RAB38: variants seen among roughly 807,000 people sequenced by gnomAD.
RAB38 encodes the protein ras-related protein Rab-38.
Under a neutral mutation model 18.4 loss-of-function variants are expected in RAB38, and 15 were observed. The ratio of observed to expected loss-of-function variants is 0.82; its 90% CI spans 0.55 to 1.26. The LOEUF (loss-of-function observed/expected upper bound fraction) is 1.26. Ranked by LOEUF, RAB38 falls within the 50% of genes most tolerant of loss-of-function variation. RAB38 has a pLI of 0.00. For missense variants in RAB38, 294 were observed against 267.4 expected (o/e 1.10, Z -0.69); for synonymous variants, 101 against 104.4 (o/e 0.97, Z 0.20).
chr11:87,887,073 G>T, the RAB38 span, among the ~76,000 whole-genome samples: 16 of 152,082 alleles, frequency 1.1e-4, no homozygotes, highest in Non-Finnish European at 1.8e-4. Context: ...GTGCTAGGTG[G>T]TGTGCTAAGT....
At chr11:87,975,664 G>T in the RAB38 span, among the ~76,000 whole-genome samples, 1 of 151,702 alleles carries the variant, frequency 6.6e-6, no homozygotes, top group Non-Finnish European at 1.5e-5. Flanking sequence ...TGGATTAAAT[G>T]AAATTATTGA....
intron 1 of RAB38, among the ~76,000 whole-genome samples, chr11:88,165,244 G>A (rs897781977): frequency 6.6e-6 from 1 of 152,128 alleles, no homozygotes; most frequent in African/African-American, 2.4e-5. Context: ...AATAGGATTT[G>A]TAGTTAGACA....
chr11:87,915,181 G>A, the RAB38 span, among the ~76,000 whole-genome samples: 2 of 152,128 alleles, frequency 1.3e-5, no homozygotes, highest in Non-Finnish European at 2.9e-5. Flanking sequence ...CAGCAGGCAT[G>A]TGAGCTGTGC....
At chr11:88,127,987 A>G (rs35717570) in intron 2 of RAB38, among the ~76,000 whole-genome samples, 295 of 152,356 alleles carry the variant, frequency 1.9e-3, no homozygotes, top group Middle Eastern at 6.8e-3. Context: ...AGTGCTTACA[A>G]TGTAATTTAT....
At chr11:87,912,629 C>T in the RAB38 span, among the ~76,000 whole-genome samples, 2 of 151,698 alleles carry the variant, frequency 1.3e-5, no homozygotes, top group African/African-American at 4.8e-5. Context: ...GTTTGTCAGA[C>T]TCATTGATCT....
chr11:88,087,543 T>C, the RAB38 span, among the ~76,000 whole-genome samples: 1 of 151,898 alleles, frequency 6.6e-6, no homozygotes, highest in Non-Finnish European at 1.5e-5. Flanking sequence ...GCACTGCTCC[T>C]TGAGAAGCAG....
chr11:87,938,698 T>C, the RAB38 span, among the ~76,000 whole-genome samples: 4,171 of 148,634 alleles, frequency 0.028, 126 homozygotes, highest in East Asian at 0.15. Flanking sequence ...CAAAATTTTG[T>C]TGGGGTTTTA....
chr11:88,106,471 C>A, the RAB38 span, among the ~76,000 whole-genome samples: 1 of 152,096 alleles, frequency 6.6e-6, no homozygotes, highest in Non-Finnish European at 1.5e-5. Context: ...CATAAAGTTT[C>A]TTTGAGCTCT....
At chr11:87,905,750 C>T in the RAB38 span, among the ~76,000 whole-genome samples, 3 of 151,866 alleles carry the variant, frequency 2.0e-5, no homozygotes, top group Non-Finnish European at 4.4e-5. Context: ...AAGTATCATC[C>T]TGTGTGTGCA....
At chr11:88,173,950 AAG>A in intron 1 of RAB38, 7 of 985,436 alleles carry the variant, frequency 7.1e-6, no homozygotes, top group Non-Finnish European at 8.4e-6. Flanking sequence ...AGCCATGATA[AAG>A]AGTTTCCAAT....
chr11:87,975,106 A>G, the RAB38 span, among the ~76,000 whole-genome samples: 2 of 151,868 alleles, frequency 1.3e-5, no homozygotes, highest in Non-Finnish European at 2.9e-5. Flanking sequence ...GTCTGCCTCC[A>G]TCTTCCCATG....
the RAB38 span, among the ~76,000 whole-genome samples, chr11:87,870,690 T>A: frequency 6.6e-6 from 1 of 151,632 alleles, no homozygotes; most frequent in Non-Finnish European, 1.5e-5. Context: ...CAAGCAAGGA[T>A]AGAACACAAT....
At chr11:88,130,188 C>T (rs1480047414) in intron 2 of RAB38, among the ~76,000 whole-genome samples, 1 of 152,002 alleles carries the variant, frequency 6.6e-6, no homozygotes, top group Non-Finnish European at 1.5e-5. Context: ...TCTAACTATA[C>T]AATCATGAGT....
At position 88,164,261 on chromosome 11, in the gene RAB38, G is replaced by T. The variant is rs887053319; in HGVS notation, c.202+10922C>A. ...AATATATGCCAAGGTGCTCTCGGTG[G>T]GGGGGGGTGCCATGGTGAACTCACA... On this transcript the variant is annotated intron_variant, in intron 1 of 2. Coordinates refer to ENST00000243662, the MANE Select transcript of RAB38 (RefSeq NM_022337.3). Among the ~76,000 whole-genome samples the T allele has an allele frequency of 4.5e-5, 6 of 134,600 alleles. No individual in the cohort carries two copies. In the East Asian group the frequency reaches 6.5e-4, roughly 15 times the overall value. 88.3% of individuals were successfully genotyped at this position (134,600 alleles called of 152,430 possible). A position where few individuals can be genotyped will look rare whatever the true frequency, so the allele number is the denominator to read the frequency against.
the RAB38 span, among the ~76,000 whole-genome samples, chr11:87,947,679 G>C: frequency 1.3e-5 from 2 of 152,104 alleles, no homozygotes; most frequent in Non-Finnish European, 2.9e-5. Flanking sequence ...TGTCACGTTT[G>C]TCAAAGATCA....
At chr11:88,064,780 C>A in the RAB38 span, among the ~76,000 whole-genome samples, 1 of 152,022 alleles carries the variant, frequency 6.6e-6, no homozygotes, top group African/African-American at 2.4e-5. Flanking sequence ...TAATTATATT[C>A]CTTTGCCTTT....
the RAB38 span, among the ~76,000 whole-genome samples, chr11:87,967,365 G>C: frequency 1.3e-5 from 2 of 152,150 alleles, no homozygotes; most frequent in East Asian, 3.8e-4. Flanking sequence ...TGTGTGGTTT[G>C]GACCAACTTC....
the RAB38 span, among the ~76,000 whole-genome samples, chr11:88,057,040 T>A: frequency 6.6e-6 from 1 of 152,128 alleles, no homozygotes; most frequent in South Asian, 2.1e-4. Context: ...ACTGACCTGA[T>A]CCCTTCCTTC....
intron 2 of RAB38, among the ~76,000 whole-genome samples, chr11:88,145,409 A>C (rs1942972469): frequency 2.0e-5 from 3 of 152,104 alleles, no homozygotes; most frequent in African/African-American, 7.2e-5. Context: ...GGCCTCCCAA[A>C]GTGCTGAGAT....
Sources: gnomAD v4.1 joint callset for allele counts (sites outside exome capture counted in the v4.1 genomes callset) on GRCh38, gnomAD v4.1.1 for gene constraint, MANE v1.5 for transcripts, NCBI Gene and HGNC (gene_info 2026-07-23, HGNC 2026-07-21) for gene names.